The following CFAP61 variants were observed in gnomAD, a reference collection of about 807,000 sequenced individuals.
CFAP61 encodes cilia- and flagella-associated protein 61.
Under a neutral mutation model 135.6 loss-of-function variants are expected in CFAP61, and 107 were observed. The ratio of observed to expected loss-of-function variants is 0.79; its 90% CI spans 0.67 to 0.93. CFAP61 has a LOEUF of 0.93. Among genes scored for constraint, CFAP61 ranks in the 40% least tolerant of loss-of-function variants. CFAP61 has a pLI of 0.00. For missense variants in CFAP61, 1,507 were observed against 1,556.2 expected (o/e 0.97, Z 0.53); for synonymous variants, 575 against 578.5 (o/e 0.99, Z 0.09).
intron 26 of CFAP61, among the ~76,000 whole-genome samples, chr20:20,346,922 G>A (rs550303392): frequency 1.3e-5 from 2 of 152,306 alleles, no homozygotes; most frequent in East Asian, 3.9e-4. Context: ...AACAGTCGTG[G>A]ATGAAATTCT....
intron 21 of CFAP61, among the ~76,000 whole-genome samples, chr20:20,265,009 T>A (rs1008860014): frequency 1.3e-5 from 2 of 152,252 alleles, no homozygotes; most frequent in Admixed American, 1.3e-4. Context: ...GGCAGGTTTG[T>A]GTTCTGATAA....
intron 7 of CFAP61, among the ~76,000 whole-genome samples, chr20:20,091,909 T>G (rs117434673): frequency 0.05 from 7,554 of 152,258 alleles, 283 homozygotes; most frequent in Non-Finnish European, 0.072. Flanking sequence ...GGTGAACTCC[T>G]GACCTCAGGT....
chr20:20,265,556 G>A, intron 21 of CFAP61: 1 of 770,880 alleles, frequency 1.3e-6, no homozygotes, highest in Non-Finnish European at 2.4e-6. Flanking sequence ...CATTTGGAGT[G>A]CCTGCTTTTG....
In CFAP61 at chr20:20,154,521, A is replaced by T. The variant is rs547932314; in HGVS notation, c.952-4849A>T. 2.6e-5 allele frequency among the ~76,000 whole-genome samples: 4 copies of T among 152,288 alleles called. No individual in the cohort carries two copies. In the South Asian group the frequency reaches 8.3e-4, roughly 32 times the overall value. On this transcript the variant is annotated intron_variant, in intron 9 of 26. Transcript: ENST00000245957. ...AGTAAAGTCTCAGGTTACAAAATCA[A>T]TGTATACAAATCAGTAGCACTGCTA...
intron 10 of CFAP61, among the ~76,000 whole-genome samples, chr20:20,161,545 G>C (rs1293996790): frequency 6.6e-6 from 1 of 152,208 alleles, no homozygotes; most frequent in Admixed American, 6.5e-5. Context: ...CTTTATGGGA[G>C]GAGAGACTGG....
At chr20:20,297,450 A>T (rs1452542988) in intron 24 of CFAP61, among the ~76,000 whole-genome samples, 1 of 152,212 alleles carries the variant, frequency 6.6e-6, no homozygotes, top group Non-Finnish European at 1.5e-5. Flanking sequence ...GAAGCTTCCC[A>T]CTGCCTGAGC....
chr20:20,265,147 C>T (rs2052603629), intron 21 of CFAP61, among the ~76,000 whole-genome samples: 2 of 152,202 alleles, frequency 1.3e-5, no homozygotes, highest in South Asian at 4.1e-4. Flanking sequence ...TCCCCAAAAG[C>T]AGAAAAGCCA....
At chr20:20,085,331 C>T (rs537985163) in intron 6 of CFAP61, 1 of 1,229,120 alleles carries the variant, frequency 8.1e-7, no homozygotes, top group Non-Finnish European at 1.0e-6. Flanking sequence ...TGTCATATGC[C>T]ATTTGAGACT....
At chr20:20,098,626 A>G (rs924371495) in intron 7 of CFAP61, 29 bp from the exon 8 acceptor site, 6 of 1,525,390 alleles carry the variant, frequency 3.9e-6, no homozygotes, top group Non-Finnish European at 5.3e-6. Context: ...AAAAAAAAAA[A>G]GAATAATGAG....
At chr20:20,283,576 G>A (rs1439337995) in intron 22 of CFAP61, among the ~76,000 whole-genome samples, 1 of 152,182 alleles carries the variant, frequency 6.6e-6, no homozygotes, top group African/African-American at 2.4e-5. Flanking sequence ...AGAAATGCAG[G>A]CAAGGTGTGG....
At chr20:20,134,704 G>A (rs1410459407) in intron 8 of CFAP61, among the ~76,000 whole-genome samples, 4 of 152,182 alleles carry the variant, frequency 2.6e-5, no homozygotes, top group African/African-American at 4.8e-5. Flanking sequence ...TGGAAAAGGG[G>A]ACTATCAAGG....
chr20:20,091,990 C>G lies in CFAP61; in HGVS notation c.699+1014C>G, dbSNP rs1600583939. On this transcript the variant is annotated intron_variant, in intron 7 of 26. Coordinates refer to ENST00000245957, the MANE Select transcript of CFAP61 (RefSeq NM_015585.4). ...AGCCACCGTGCCCAGCTAGTTCCTG[C>G]AATTCTTTTATCTAATCTACAGACT... 3.3e-5 allele frequency among the ~76,000 whole-genome samples: 5 copies of G among 152,316 alleles called. No homozygotes were observed. In the South Asian group the frequency reaches 1.0e-3, roughly 32 times the overall value.
intron 18 of CFAP61, among the ~76,000 whole-genome samples, chr20:20,245,000 C>A (rs1173698904): frequency 6.6e-6 from 1 of 152,242 alleles, no homozygotes; most frequent in East Asian, 1.9e-4. Context: ...CAGTTCCCAA[C>A]AAGTTCCTCA....
intron 26 of CFAP61, among the ~76,000 whole-genome samples, chr20:20,351,587 AT>A (rs1162188389): frequency 6.6e-6 from 1 of 151,640 alleles, no homozygotes; most frequent in African/African-American, 2.4e-5. Flanking sequence ...AAAAAAAAAA[AT>A]GTTTATATAC....
At chr20:20,110,725 G>A (rs1297091952) in intron 8 of CFAP61, among the ~76,000 whole-genome samples, 2 of 152,140 alleles carry the variant, frequency 1.3e-5, no homozygotes, top group East Asian at 3.9e-4. Context: ...TAGAAGATGA[G>A]TGTTATAGTG....
At chr20:20,144,321 A>G (rs1046809345) in intron 9 of CFAP61, among the ~76,000 whole-genome samples, 1 of 152,196 alleles carries the variant, frequency 6.6e-6, no homozygotes, top group Non-Finnish European at 1.5e-5. Context: ...AAAACATTAG[A>G]ACAGTTATCA....
Position 20,341,835 on chromosome 20 carries a change from T to TTCA in CFAP61, c.3428_3430dup (p.Phe1143_Thr1144insIle). 1 of 1,613,036 alleles carries TTCA rather than the reference T, an allele frequency of 6.2e-7. No homozygotes were observed. Among genetic ancestry groups the TTCA allele is most frequent in the Non-Finnish European group, 8.5e-7 (1 of 1,179,504 alleles). On this transcript the variant is annotated inframe_insertion, in exon 26 of 27. Coordinates refer to ENST00000245957, the MANE Select transcript of CFAP61 (RefSeq NM_015585.4). Reference sequence around the variant, plus strand: ...AGTCTCTTCTTTCCTTACCAGCTACTTCACCGAGCCGTGGTGCCTGGCCCT... The same window carrying TTCA: ...AGTCTCTTCTTTCCTTACCAGCTACTTCATCACCGAGCCGTGGTGCCTGGCCCT...
chr20:20,248,162 C>T (rs2050613620), intron 19 of CFAP61, among the ~76,000 whole-genome samples: 3 of 152,156 alleles, frequency 2.0e-5, no homozygotes, highest in Non-Finnish European at 4.4e-5. Flanking sequence ...CCAGAAATAC[C>T]TGCAAAACTC....
chr20:20,243,689 G>A (rs543142971), intron 18 of CFAP61, among the ~76,000 whole-genome samples: 54 of 151,996 alleles, frequency 3.6e-4, no homozygotes, highest in African/African-American at 1.1e-3. Context: ...CACCTGCCTC[G>A]GCCTCCCAAA....
Sources: gnomAD v4.1 joint callset for allele counts (sites outside exome capture counted in the v4.1 genomes callset) on GRCh38, gnomAD v4.1.1 for gene constraint, MANE v1.5 for transcripts, NCBI Gene and HGNC (gene_info 2026-07-23, HGNC 2026-07-21) for gene names.